Variants in ANK2 observed in about 807,000 individuals in gnomAD.
The protein encoded by ANK2 is ankyrin 2, also known as ankyrin-2.
ANK2 carries 83 observed loss-of-function variants against 360.5 expected under a neutral mutation model. That is an observed-to-expected ratio of 0.23 (90% confidence interval 0.19 to 0.28). ANK2 has a LOEUF of 0.28. Ranked by LOEUF, ANK2 falls within the 10% of genes least tolerant of loss-of-function variation. The pLI, the probability that ANK2 is intolerant of heterozygous loss-of-function variation, is 1.00. For synonymous variants in ANK2, 1,740 were observed against 1,759.5 expected (o/e 0.99, Z 0.28); for missense variants, 4,201 against 4,795.7 (o/e 0.88, Z 3.66).
In ANK2 at chr4:113,249,875, GA is replaced by G; in HGVS notation, c.990+14del. On this transcript the variant is annotated intron_variant, in intron 10 of 45. Transcript: ENST00000357077. Reference sequence around the variant, plus strand: ...GGCAAGGACTAAGGTGAGTCATTATGAGTAAGATGGGGTCCTAAGAAATCTT... The same window carrying G: ...GGCAAGGACTAAGGTGAGTCATTATGGTAAGATGGGGTCCTAAGAAATCTT... 6.2e-7 allele frequency: 1 copy of G among 1,608,272 alleles called. No homozygotes were observed. Among genetic ancestry groups the G allele is most frequent in the Non-Finnish European group, 8.5e-7 (1 of 1,175,106 alleles).
In ANK2 at chr4:113,232,988, T is replaced by C. The variant is rs185572941; in HGVS notation, c.483+729T>C. Among the ~76,000 whole-genome samples, 4 of 151,946 alleles carry C rather than the reference T, an allele frequency of 2.6e-5. No individual in the cohort carries two copies. In the East Asian group the frequency reaches 7.7e-4, roughly 29 times the overall value. ...TCAAGTGATGCTCCAGAAGCCCTTG[T>C]GCTTGGGGCCACTGGAAGGTTGGGA... On this transcript the variant is annotated intron_variant, in intron 5 of 45. Transcript: ENST00000357077.
rs2095960806 is a variant in ANK2 at position 113,358,453 on chromosome 4, G to A, written c.9835G>A (p.Glu3279Lys). ...RGDDSPDSSP[E>K]EQKSVIEIPT... ...TGATGATTCTCCCGATTCTTCCCCA[G>A]AAGAACAGAAATCAGTAATCGAGAT... Residue 3279 changes from glutamate to lysine, a missense_variant, in exon 38 of 46, where the codon GAA becomes AAA. Coordinates refer to ENST00000357077, the MANE Select transcript of ANK2 (RefSeq NM_001148.6). 1 of 1,614,074 alleles carries A rather than the reference G, an allele frequency of 6.2e-7. No individual in the cohort carries two copies. The highest frequency in any genetic ancestry group is 8.5e-7 in the Non-Finnish European group (1 of 1,179,962).
chr4:113,200,220 G>GA (rs1442043567), intron 4 of ANK2, among the ~76,000 whole-genome samples: 2 of 152,060 alleles, frequency 1.3e-5, no homozygotes, highest in Non-Finnish European at 2.9e-5. Flanking sequence ...ACCCTTATTA[G>GA]ATGAAATTTT....
At chr4:113,133,853 C>A (rs966754016) in intron 1 of ANK2, among the ~76,000 whole-genome samples, 19 of 152,164 alleles carry the variant, frequency 1.2e-4, no homozygotes, top group African/African-American at 4.3e-4. Flanking sequence ...TGACTTGAAT[C>A]TGTGCTTCTC....
chr4:113,149,611 G>C (rs773942108), intron 1 of ANK2, among the ~76,000 whole-genome samples: 1 of 151,774 alleles, frequency 6.6e-6, no homozygotes, highest in Admixed American at 6.6e-5. Flanking sequence ...ATGGTGGCTC[G>C]CATCTGTAAT....
intron 11 of ANK2, 83 bp downstream of exon 11, chr4:113,256,015 C>A: frequency 1.4e-6 from 2 of 1,468,006 alleles, no homozygotes; most frequent in African/African-American, 1.4e-5. Context: ...CATACACCAG[C>A]AATGCAAGGT....
rs1280376510 is a variant in ANK2, at chr4:113,124,968, T to TAA, written c.85-49440_85-49439dup. ...AGCATAGAGAGATCCCCATCTCTTTTAAAAAAAAATCAGAGATATGACAAT... is the reference window on the plus strand; with the variant it reads ...AGCATAGAGAGATCCCCATCTCTTTTAAAAAAAAAAATCAGAGATATGACAAT... On this transcript the variant is annotated intron_variant, in intron 1 of 45. Transcript: ENST00000357077. Among the ~76,000 whole-genome samples, 3 of 151,574 alleles carry TAA rather than the reference T, an allele frequency of 2.0e-5. No individual in the cohort carries two copies. The South Asian group carries it at 6.3e-4, about 32-fold the overall frequency.
At chr4:112,812,070 G>A in the ANK2 span, among the ~76,000 whole-genome samples, 3,415 of 73,120 alleles carry the variant, frequency 0.047, 112 homozygotes, top group African/African-American at 0.16. Context: ...GCAAGACTCC[G>A]TCTCAAAAAA....
At chr4:113,070,374 C>A (rs1163125113) in intron 1 of ANK2, among the ~76,000 whole-genome samples, 1 of 151,796 alleles carries the variant, frequency 6.6e-6, no homozygotes, top group Non-Finnish European at 1.5e-5. Context: ...AACTATGAGT[C>A]CTAATTAGAA....
chr4:112,952,727 A>G lies in ANK2; in HGVS notation c.21+48213A>G, dbSNP rs146444082. The stretch of plus-strand genomic sequence containing the variant: ...TTATTGAGCAAAATTATTATCATAC[A>G]ATTACTTCAACTAAAATATCTCTTA... On this transcript the variant is annotated intron_variant, in intron 2 of 30. Transcript: ENST00000503271. Among the ~76,000 whole-genome samples the G allele has an allele frequency of 2.0e-4, 31 of 152,290 alleles. No individual in the cohort carries two copies. In the East Asian group the frequency reaches 5.4e-3, roughly 27 times the overall value.
At chr4:113,159,716 T>C (rs945770772) in intron 1 of ANK2, among the ~76,000 whole-genome samples, 10 of 151,960 alleles carry the variant, frequency 6.6e-5, no homozygotes, top group Non-Finnish European at 8.8e-5. Flanking sequence ...TCAAGTGATC[T>C]CTTGCTTCAG....
At chr4:112,977,714 A>G (rs1419053672) in intron 2 of ANK2, among the ~76,000 whole-genome samples, 1 of 151,972 alleles carries the variant, frequency 6.6e-6, no homozygotes, top group African/African-American at 2.4e-5. Context: ...TATTTTTCCT[A>G]ATGCTTTCCC....
intron 4 of ANK2, among the ~76,000 whole-genome samples, chr4:113,209,160 G>T (rs564782274): frequency 6.6e-6 from 1 of 151,882 alleles, no homozygotes; most frequent in Non-Finnish European, 1.5e-5. Flanking sequence ...GAAAGAATAG[G>T]GGCCTGGAGC....
chr4:113,160,588 T>C (rs1413606229), intron 1 of ANK2, among the ~76,000 whole-genome samples: 2 of 152,166 alleles, frequency 1.3e-5, no homozygotes, highest in East Asian at 3.8e-4. Flanking sequence ...GTTGAACATC[T>C]TCCCTTATAT....
chr4:113,145,919 A>G lies in ANK2; in HGVS notation c.85-28497A>G, dbSNP rs552815546. 165 of 1,289,734 alleles carry G rather than the reference A, an allele frequency of 1.3e-4. No individual in the cohort carries two copies. In the African/African-American group the frequency reaches 2.3e-3, roughly 18 times the overall value. 79.9% of individuals were successfully genotyped at this position (1,289,734 alleles called of 1,614,324 possible). A position where few individuals can be genotyped will look rare whatever the true frequency, so the allele number is the denominator to read the frequency against. ...CTTGCCATGCGGATAAGAGCATAAG[A>G]GCACAAGGAAACATGCAGGAACTGG... On this transcript the variant is annotated intron_variant, in intron 1 of 45. Transcript: ENST00000357077.
chr4:112,753,195 C>T, the ANK2 span, among the ~76,000 whole-genome samples: 1 of 152,224 alleles, frequency 6.6e-6, no homozygotes, highest in African/African-American at 2.4e-5. Flanking sequence ...ATGAGTCTTG[C>T]TTCATCTGCT....
chr4:112,726,004 TG>T, the ANK2 span, among the ~76,000 whole-genome samples: 14 of 151,650 alleles, frequency 9.2e-5, no homozygotes. Context: ...GCACTTGGGG[TG>T]GGGTGGGTAG....
chr4:113,041,593 A>G (rs999025655), intron 2 of ANK2, among the ~76,000 whole-genome samples: 1 of 152,176 alleles, frequency 6.6e-6, no homozygotes, highest in Non-Finnish European at 1.5e-5. Context: ...TCCTAGTTTT[A>G]GGGAAATATT....
chr4:113,337,501 A>T (rs2093698823), intron 31 of ANK2, among the ~76,000 whole-genome samples: 1 of 152,186 alleles, frequency 6.6e-6, no homozygotes, highest in African/African-American at 2.4e-5. Flanking sequence ...TTAACTGATA[A>T]TTTCTCTATC....
Sources: gnomAD v4.1 joint callset for allele counts (sites outside exome capture counted in the v4.1 genomes callset) on GRCh38, gnomAD v4.1.1 for gene constraint, MANE v1.5 for transcripts, NCBI Gene and HGNC (gene_info 2026-07-23, HGNC 2026-07-21) for gene names.